Variants in ESRP2 observed in about 807,000 individuals in gnomAD.
The protein encoded by ESRP2 is RNA binding motif protein 35A.
A neutral mutation model predicts 78.6 loss-of-function variants in ESRP2; 48 were observed. The observed-to-expected ratio is 0.61, with a 90% CI of 0.48 to 0.78. ESRP2 has a LOEUF of 0.78. ESRP2 is among the 30% of genes least tolerant of loss of function. The probability of loss-of-function intolerance (pLI) is 0.00; values close to 1 mark genes in which losing one functional copy is unlikely to be tolerated. For missense variants in ESRP2, 863 were observed against 965.9 expected (o/e 0.89, Z 1.41); for synonymous variants, 383 against 406.7 (o/e 0.94, Z 0.70).
chr16:68,230,744 T>A, intron 13 of ESRP2, 97 bp downstream of exon 13: 1 of 1,516,416 alleles, frequency 6.6e-7, no homozygotes, highest in Non-Finnish European at 9.0e-7. Flanking sequence ...CCTTGTCATC[T>A]CAAGGGAGGA....
At position 68,230,086 on chromosome 16, in the gene ESRP2, G is replaced by T; in HGVS notation, c.*140C>A. 2 of 728,150 alleles carry T rather than the reference G, an allele frequency of 2.7e-6. No homozygotes were observed. Among genetic ancestry groups the T allele is most frequent in the South Asian group, 1.7e-5 (1 of 59,758 alleles). The allele number at this position is 728,150 out of a possible 1,614,324, so 45.1% of individuals were successfully genotyped here. On this transcript the variant is annotated 3_prime_UTR_variant, in exon 15 of 15. Coordinates refer to ENST00000473183, the MANE Select transcript of ESRP2 (RefSeq NM_024939.3). ...AGAATAAGTGGAGGATGGAGCTGGG[G>T]CTTGGGCTCCTCTAGGTACCTTCTG... is the stretch of plus-strand genomic sequence containing the variant.
At position 68,232,638 on chromosome 16, in the gene ESRP2, A is replaced by C. The variant is rs759674670; in HGVS notation, c.760T>G (p.Leu254Val). The C allele has an allele frequency of 6.2e-7, 1 of 1,614,118 alleles. No individual in the cohort carries two copies. Among genetic ancestry groups the C allele is most frequent in the Non-Finnish European group, 8.5e-7 (1 of 1,180,018 alleles). The change falls in exon 7 of 15, where the codon TTG becomes GTG. Residue 254 changes from leucine to valine, a missense_variant. Leu to Val is a conservative substitution (Grantham distance 32). Coordinates refer to ENST00000473183, the MANE Select transcript of ESRP2 (RefSeq NM_024939.3). The surrounding 1 kb of genome is among the most constrained non-coding windows in gnomAD (Gnocchi z 5.2). ...DSETVVRARG[L>V]PWQSSDQDVA... The stretch of plus-strand genomic sequence containing the variant: ...TCCTGGTCTGATGACTGCCACGGCA[A>C]CCCACGAGCCCGTACCACAGTCTCA...
In ESRP2 at chr16:68,232,251, G is replaced by A; in HGVS notation, c.992C>T (p.Ala331Val). The A allele has an allele frequency of 6.2e-7, 1 of 1,614,124 alleles. No individual in the cohort carries two copies. Among genetic ancestry groups the A allele is most frequent in the South Asian group, 1.1e-5 (1 of 91,086 alleles). ...KATGEEFVKI[A>V]GGTSLEVARF... ...CCTGTTTGCAGTATACTCACCCCCTGCAATCTTTACAAACTCCTCCCCTGT... is the reference window on the plus strand; with the variant it reads ...CCTGTTTGCAGTATACTCACCCCCTACAATCTTTACAAACTCCTCCCCTGT... Residue 331 changes from alanine (A) to valine (V), a missense_variant, in exon 9 of 15, where the codon GCA becomes GTA. By Grantham distance (64) the Ala-to-Val change is moderately conservative. Transcript: ENST00000473183. This position sits in a 1 kb window ranked among gnomAD's most constrained non-coding sequence, Gnocchi z 5.2.
chr16:68,232,098 A>T lies in ESRP2; in HGVS notation c.1003T>A (p.Ser335Thr). 6.2e-7 allele frequency: 1 copy of T among 1,612,608 alleles called. No homozygotes were observed. The highest frequency in any genetic ancestry group is 8.5e-7 in the Non-Finnish European group (1 of 1,179,062). ...EEFVKIAGGT[S>T]LEVARFLSRE... ...GACAAGAAACGAGCCACCTCTAGTG[A>T]TGTGCCTGTGTATGAGAGTCGCCTG... The change falls in exon 10 of 15, where the codon TCA (serine) becomes ACA (threonine). Residue 335 changes from serine (S) to threonine (T), a missense_variant. Physicochemically the swap from Ser to Thr is moderately conservative, Grantham distance 58. Coordinates refer to ENST00000473183, the MANE Select transcript of ESRP2 (RefSeq NM_024939.3). This position sits in a 1 kb window ranked among gnomAD's most constrained non-coding sequence, Gnocchi z 5.2.
In ESRP2 at chr16:68,235,179, A is replaced by G. The variant is rs2042206775; in HGVS notation, c.327+455T>C. 1 of 985,158 alleles carries G rather than the reference A, an allele frequency of 1.0e-6. No individual in the cohort carries two copies. Among genetic ancestry groups the G allele is most frequent in the Non-Finnish European group, 1.2e-6 (1 of 829,858 alleles). The allele number at this position is 985,158 out of a possible 1,614,324, so 61.0% of individuals were successfully genotyped here. A position where few individuals can be genotyped will look rare whatever the true frequency, so the allele number is the denominator to read the frequency against. On this transcript the variant is annotated intron_variant, in intron 2 of 14. Coordinates refer to ENST00000473183, the MANE Select transcript of ESRP2 (RefSeq NM_024939.3). This position sits in a 1 kb window ranked among gnomAD's most constrained non-coding sequence, Gnocchi z 5.5. The stretch of plus-strand genomic sequence containing the variant: ...GAGCAGTTTACACCTGGCGGCGTCT[A>G]CCTCTAGGGCCGACACCGCCCTACG...
chr16:68,235,100 G>C lies in ESRP2; in HGVS notation c.327+534C>G, dbSNP rs1161857350. The C allele has an allele frequency of 3.4e-5, 34 of 988,190 alleles. No homozygotes were observed. Among genetic ancestry groups the C allele is most frequent in the Non-Finnish European group, 4.1e-5 (34 of 831,492 alleles). The allele number at this position is 988,190 out of a possible 1,614,324, so 61.2% of individuals were successfully genotyped here. A position where few individuals can be genotyped will look rare whatever the true frequency, so the allele number is the denominator to read the frequency against. The stretch of plus-strand genomic sequence containing the variant: ...CACTCAGCAGGCAGATAGTCCCCCA[G>C]GCCAGGCCGGGACAGCGCCCACGCC... On this transcript the variant is annotated intron_variant, in intron 2 of 14. Transcript: ENST00000473183. The surrounding 1 kb of genome is among the most constrained non-coding windows in gnomAD (Gnocchi z 5.5).
Position 68,233,421 on chromosome 16 carries a change from T to C in ESRP2, c.561A>G (p.Leu187=). 1 of 1,612,456 alleles carries C rather than the reference T, an allele frequency of 6.2e-7. No individual in the cohort carries two copies. ...CCTCTGTGGCATCTGTCTCCAGTCCTAAACCTATGGGCAGAGAAGTGACAG... is the reference window on the plus strand; with the variant it reads ...CCTCTGTGGCATCTGTCTCCAGTCCCAAACCTATGGGCAGAGAAGTGACAG... The part of the protein sequence containing the change: ...DLTVATMAQG[L]GLETDATEDD... The change falls in exon 5 of 15, where the codon TTA becomes TTG. Residue 187 remains leucine (L), a synonymous_variant. Coordinates refer to ENST00000473183, the MANE Select transcript of ESRP2 (RefSeq NM_024939.3).
rs2042163446 is a variant in ESRP2, at chr16:68,232,767, C to G, written c.704G>C (p.Gly235Ala). ...PEVIKQKYETGPCSKADVVDS... is the reference protein window; with the variant it reads ...PEVIKQKYETAPCSKADVVDS... ...CCCCTGCTCCCACACTCACCAAGGCCCCGTCTCGTATTTCTGCTTTATCAC... is the reference window on the plus strand; with the variant it reads ...CCCCTGCTCCCACACTCACCAAGGCGCCGTCTCGTATTTCTGCTTTATCAC... The change falls in exon 6 of 15, where the codon GGG becomes GCG. Residue 235 changes from glycine to alanine, a missense_variant. Coordinates refer to ENST00000473183, the MANE Select transcript of ESRP2 (RefSeq NM_024939.3). This position sits in a 1 kb window ranked among gnomAD's most constrained non-coding sequence, Gnocchi z 5.2. The G allele has an allele frequency of 1.1e-5, 17 of 1,614,260 alleles. No homozygotes were observed. Among genetic ancestry groups the G allele is most frequent in the Non-Finnish European group, 1.4e-5 (16 of 1,180,042 alleles).
chr16:68,232,583 A>C lies in ESRP2; in HGVS notation c.815T>G (p.Val272Gly). 6.2e-7 allele frequency: 1 copy of C among 1,613,966 alleles called. No individual in the cohort carries two copies. The highest frequency in any genetic ancestry group is 8.5e-7 in the Non-Finnish European group (1 of 1,179,988). Reference sequence around the variant, plus strand: ...CCCACCCTGCCACACCCACCTGGCCACGTTGAGCCCTTTGAAGAAGCGAGC... The same window carrying C: ...CCCACCCTGCCACACCCACCTGGCCCCGTTGAGCCCTTTGAAGAAGCGAGC... The part of the protein sequence containing the change: ...DVARFFKGLN[V>G]ARGGVALCLN... The change falls in exon 7 of 15, where the codon GTG becomes GGG. Residue 272 changes from valine to glycine, a missense_variant. Val to Gly is a moderately radical substitution (Grantham distance 109). Coordinates refer to ENST00000473183, the MANE Select transcript of ESRP2 (RefSeq NM_024939.3). This position sits in a 1 kb window ranked among gnomAD's most constrained non-coding sequence, Gnocchi z 5.2.
In ESRP2 at chr16:68,236,061, G is replaced by A; in HGVS notation, c.-16C>T. ...GCGGAGTCATGGCCGCAGAGGAAGG[G>A]GGCTCTCGGCCAGACACGCGGACCG... On this transcript the variant is annotated 5_prime_UTR_variant, in exon 1 of 15. Transcript: ENST00000473183. This position sits in a 1 kb window ranked among gnomAD's most constrained non-coding sequence, Gnocchi z 5.2. The A allele has an allele frequency of 7.1e-7, 1 of 1,416,316 alleles. No homozygotes were observed. Among genetic ancestry groups the A allele is most frequent in the Non-Finnish European group, 9.1e-7 (1 of 1,097,900 alleles). The allele number at this position is 1,416,316 out of a possible 1,614,324, so 87.7% of individuals were successfully genotyped here. A position where few individuals can be genotyped will look rare whatever the true frequency, so the allele number is the denominator to read the frequency against.
rs376440468 is a variant in ESRP2 at position 68,231,440 on chromosome 16, C to G, written c.1512+42G>C. On this transcript the variant is annotated intron_variant, in intron 11 of 14. Transcript: ENST00000473183. The surrounding 1 kb of genome is among the most constrained non-coding windows in gnomAD (Gnocchi z 6.0). ...GAGTGCCTTACCCCTAACACACACCCCTTCCTATTTATGTGTTCCCCCTAC... is the reference window on the plus strand; with the variant it reads ...GAGTGCCTTACCCCTAACACACACCGCTTCCTATTTATGTGTTCCCCCTAC... 1.2e-4 allele frequency: 199 copies of G among 1,613,458 alleles called. No individual in the cohort carries two copies. In the African/African-American group the frequency reaches 2.4e-3, roughly 19 times the overall value.
chr16:68,233,245 C>A, intron 5 of ESRP2, 82 bp downstream of exon 5: 1 of 932,396 alleles, frequency 1.1e-6, no homozygotes, highest in Admixed American at 1.7e-5. Context: ...CCCGTGGTCT[C>A]TTAGAGAAGG....
chr16:68,232,333 C>G lies in ESRP2; in HGVS notation c.954+38G>C. ...CAGCCCATGGGTCTCAGGCCTGACT[C>G]AGATTGGCCCTGCTCCGCTCCCAGC... On this transcript the variant is annotated intron_variant, in intron 8 of 14. Coordinates refer to ENST00000473183, the MANE Select transcript of ESRP2 (RefSeq NM_024939.3). This position sits in a 1 kb window ranked among gnomAD's most constrained non-coding sequence, Gnocchi z 5.2. 1 of 1,614,194 alleles carries G rather than the reference C, an allele frequency of 6.2e-7. No homozygotes were observed. Among genetic ancestry groups the G allele is most frequent in the East Asian group, 2.2e-5 (1 of 44,886 alleles).
In ESRP2 at chr16:68,235,855, C is replaced by T. The variant is rs774394898; in HGVS notation, c.191G>A (p.Ser64Asn). The change falls in exon 1 of 15, where the codon AGC becomes AAC. Residue 64 changes from serine (S) to asparagine (N), a missense_variant. By Grantham distance (46) the Ser-to-Asn change is conservative. Transcript: ENST00000473183. The surrounding 1 kb of genome is among the most constrained non-coding windows in gnomAD (Gnocchi z 5.5). The part of the protein sequence containing the change: ...LLVWQVVEPR[S>N]RQVGTLHKSL... ...GCCTCTTTTCCACCCTACCTGGCGG[C>T]TCCGCGGCTCAACCACTTGCCAAAC... is the stretch of plus-strand genomic sequence containing the variant. 7 of 1,611,968 alleles carry T rather than the reference C, an allele frequency of 4.3e-6. No individual in the cohort carries two copies. The Admixed American group carries it at 1.0e-4, about 23-fold the overall frequency.
chr16:68,235,125 C>G lies in ESRP2; in HGVS notation c.327+509G>C, dbSNP rs2042205564. ...GGCCAGGCCGGGACAGCGCCCACGC[C>G]TGGCCAGCCGGCCGGGACAGGCCTA... On this transcript the variant is annotated intron_variant, in intron 2 of 14. Coordinates refer to ENST00000473183, the MANE Select transcript of ESRP2 (RefSeq NM_024939.3). The surrounding 1 kb of genome is among the most constrained non-coding windows in gnomAD (Gnocchi z 5.5). 1 of 991,836 alleles carries G rather than the reference C, an allele frequency of 1.0e-6. No individual in the cohort carries two copies. Among genetic ancestry groups the G allele is most frequent in the Admixed American group, 5.7e-5 (1 of 17,462 alleles). The allele number at this position is 991,836 out of a possible 1,614,324, so 61.4% of individuals were successfully genotyped here.
chr16:68,235,901 C>G lies in ESRP2; in HGVS notation c.145G>C (p.Glu49Gln), dbSNP rs758778671. The G allele has an allele frequency of 6.2e-7, 1 of 1,610,718 alleles. No individual in the cohort carries two copies. The highest frequency in any genetic ancestry group is 8.5e-7 in the Non-Finnish European group (1 of 1,179,182). The change falls in exon 1 of 15, where the codon GAG becomes CAG. Residue 49 changes from glutamate (E) to glutamine (Q), a missense_variant. By Grantham distance (29) the Glu-to-Gln change is conservative. Transcript: ENST00000473183. This position sits in a 1 kb window ranked among gnomAD's most constrained non-coding sequence, Gnocchi z 5.5. ...CAAACTAGGAGGATTAAGTCGGTCTCGTCCGAGCCCAGGTCCCGTCCCAGC... is the reference window on the plus strand; with the variant it reads ...CAAACTAGGAGGATTAAGTCGGTCTGGTCCGAGCCCAGGTCCCGTCCCAGC... ...GALGRDLGSD[E>Q]TDLILLVWQV... is the part of the protein sequence containing the mutation.
intron 2 of ESRP2, chr16:68,234,449 A>T (rs2042193795): frequency 4.6e-6 from 1 of 219,486 alleles, no homozygotes; most frequent in African/African-American, 2.3e-5. Flanking sequence ...AAGCAGGTTA[A>T]ACCTGTCTTT....
In ESRP2 at chr16:68,232,506, G is replaced by T; in HGVS notation, c.822-3C>A. ...TGAGGCAGAGTGCTACACCACCCCTGTGGAGCCAGTGCTGTTAGTGCCTCC... is the reference window on the plus strand; with the variant it reads ...TGAGGCAGAGTGCTACACCACCCCTTTGGAGCCAGTGCTGTTAGTGCCTCC... On this transcript the variant is annotated splice_polypyrimidine_tract_variant and splice_region_variant and intron_variant, in intron 7 of 14. Coordinates refer to ENST00000473183, the MANE Select transcript of ESRP2 (RefSeq NM_024939.3). This position sits in a 1 kb window ranked among gnomAD's most constrained non-coding sequence, Gnocchi z 5.2. 4 of 1,614,120 alleles carry T rather than the reference G, an allele frequency of 2.5e-6. No homozygotes were observed. The African/African-American group carries it at 4.0e-5, about 16-fold the overall frequency.
intron 5 of ESRP2, 59 bp downstream of exon 5, chr16:68,233,268 G>T: frequency 8.7e-7 from 1 of 1,151,878 alleles, no homozygotes; most frequent in Non-Finnish European, 1.3e-6. Context: ...ACAGTGGGGA[G>T]GAGCAATAGG....
Sources: gnomAD v4.1 joint callset for allele counts on GRCh38, gnomAD v4.1.1 for gene constraint, Gnocchi (gnomAD v3.1) non-coding constraint, MANE v1.5 for transcripts, NCBI Gene and HGNC (gene_info 2026-07-23, HGNC 2026-07-21) for gene names.